Variants in DNA2 observed in about 807,000 individuals in gnomAD.
DNA2 encodes DNA replication helicase/nuclease 2, also known as DNA replication ATP-dependent helicase/nuclease DNA2.
A neutral mutation model predicts 119.1 loss-of-function variants in DNA2; 101 were observed. The observed-to-expected ratio is 0.85, with a 90% CI of 0.72 to 1.00. The LOEUF (loss-of-function observed/expected upper bound fraction) is 1.00. Among genes scored for constraint, DNA2 ranks in the 50% least tolerant of loss-of-function variants. The probability of loss-of-function intolerance (pLI) is 0.00; values close to 1 mark genes in which losing one functional copy is unlikely to be tolerated. For missense variants in DNA2, 1,121 were observed against 1,255.5 expected (o/e 0.89, Z 1.62); for synonymous variants, 366 against 424.4 (o/e 0.86, Z 1.69).
chr10:68,422,208 GA>G lies in DNA2; in HGVS notation c.2697+16del. 1 of 1,507,318 alleles carries G rather than the reference GA, an allele frequency of 6.6e-7. No individual in the cohort carries two copies. The highest frequency in any genetic ancestry group is 1.5e-5 in the African/African-American group (1 of 67,094). 93.4% of individuals were successfully genotyped at this position (1,507,318 alleles called of 1,614,324 possible). A position where few individuals can be genotyped will look rare whatever the true frequency, so the allele number is the denominator to read the frequency against. ...AGGACAAAATGAGAAAAACTAAACA[GA>G]AATTTTTTTTTTTACCTTGTCTGTA... On this transcript the variant is annotated intron_variant, in intron 17 of 20. Transcript: ENST00000358410.
intron 7 of DNA2, among the ~76,000 whole-genome samples, 168 bp downstream of exon 7, chr10:68,446,128 A>C (rs1049539122): frequency 1.3e-5 from 2 of 151,856 alleles, no homozygotes; most frequent in African/African-American, 4.8e-5. Context: ...TATCTCAAAA[A>C]ACGAAAACAA....
chr10:68,449,646 G>A (rs1186854493), intron 6 of DNA2, among the ~76,000 whole-genome samples: 2 of 152,092 alleles, frequency 1.3e-5, no homozygotes, highest in South Asian at 2.1e-4. Context: ...GCATAAGGCC[G>A]GGCTCAGTGG....
chr10:68,464,630 C>T (rs1490610338), intron 4 of DNA2, among the ~76,000 whole-genome samples: 1 of 151,316 alleles, frequency 6.6e-6, no homozygotes. Flanking sequence ...GTCAGGAGTT[C>T]GAGACCAGCC....
chr10:68,431,934 T>C lies in DNA2; in HGVS notation c.1911A>G (p.Val637=). The C allele has an allele frequency of 6.2e-7, 1 of 1,613,728 alleles. No homozygotes were observed. Among genetic ancestry groups the C allele is most frequent in the Non-Finnish European group, 8.5e-7 (1 of 1,179,752 alleles). The change falls in exon 13 of 21, where the codon GTA becomes GTG. Residue 637 remains valine (V), a synonymous_variant. Coordinates refer to ENST00000358410, the MANE Select transcript of DNA2 (RefSeq NM_001080449.3). ...NKPQRQAMKK[V]LLSKDYTLIV... ...TGAGTGTGTAGTCTTTTGAAAGAAG[T>C]ACCTTTTTCATCGCTTGCCTCTGAG...
chr10:68,459,203 T>C lies in DNA2; in HGVS notation c.620A>G (p.Lys207Arg), dbSNP rs868455545. The C allele has an allele frequency of 6.4e-7, 1 of 1,565,750 alleles. No homozygotes were observed. Among genetic ancestry groups the C allele is most frequent in the South Asian group, 1.2e-5 (1 of 84,766 alleles). ...YRLNLSQDEIKQEVEDYLPSF... is the reference protein window; with the variant it reads ...YRLNLSQDEIRQEVEDYLPSF... ...AGGAAGATAGTCCTCTACTTCTTGT[T>C]TTATTTCATCTTGACTTAGATTTAA... Residue 207 changes from lysine to arginine, a missense_variant, in exon 5 of 21, where the codon AAA becomes AGA. Lys to Arg is a conservative substitution (Grantham distance 26, BLOSUM62 2). Transcript: ENST00000358410.
intron 13 of DNA2, 102 bp from the exon 14 acceptor site, chr10:68,430,762 A>C (rs557448631): frequency 1.1e-6 from 1 of 919,442 alleles, no homozygotes; most frequent in South Asian, 1.9e-5. Flanking sequence ...CTAAGAGCTG[A>C]GCCAAGTAAA....
intron 9 of DNA2, among the ~76,000 whole-genome samples, chr10:68,439,982 C>G (rs1375295003): frequency 3.3e-5 from 5 of 149,688 alleles, no homozygotes; most frequent in African/African-American, 4.9e-5. Flanking sequence ...CCAGCCTGGG[C>G]GACTGAGCAA....
At chr10:68,470,241 A>C in intron 1 of DNA2, 78 bp from the exon 2 acceptor site, 2 of 1,255,602 alleles carry the variant, frequency 1.6e-6, no homozygotes, top group Non-Finnish European at 2.1e-6. Flanking sequence ...TCTACAAACC[A>C]ATCTTCCAGT....
In DNA2 at chr10:68,419,887, T is replaced by C; in HGVS notation, c.2703A>G (p.Pro901=). The C allele has an allele frequency of 1.2e-6, 2 of 1,613,650 alleles. No homozygotes were observed. The highest frequency in any genetic ancestry group is 1.7e-6 in the Non-Finnish European group (2 of 1,179,624). ...CACCTTTTTCAACTTGTTCTGGCGC[T>C]GGAACCTAAGTGGAAAAATATACAG... ...PVCFLNTDKV[P]APEQVEKGGV... Residue 901 remains proline, a synonymous_variant, in exon 18 of 21, where the codon CCA becomes CCG. Transcript: ENST00000358410.
chr10:68,452,747 T>C (rs1315645392), intron 5 of DNA2, among the ~76,000 whole-genome samples: 1 of 138,702 alleles, frequency 7.2e-6, no homozygotes, highest in Admixed American at 7.0e-5. Flanking sequence ...ATTTTTTTTT[T>C]TTTTTTTTTT....
chr10:68,433,055 G>A (rs1209314205), intron 10 of DNA2, among the ~76,000 whole-genome samples: 1 of 152,046 alleles, frequency 6.6e-6, no homozygotes, highest in Non-Finnish European at 1.5e-5. Context: ...CCCAAGCTTT[G>A]GGTTTGGATA....
intron 10 of DNA2, among the ~76,000 whole-genome samples, chr10:68,435,328 C>T (rs1210463702): frequency 6.6e-6 from 1 of 152,024 alleles, no homozygotes; most frequent in African/African-American, 2.4e-5. Context: ...GGATTACAGG[C>T]GTGCACCACC....
At chr10:68,439,362 C>A (rs1446869159) in intron 9 of DNA2, among the ~76,000 whole-genome samples, 2 of 151,738 alleles carry the variant, frequency 1.3e-5, no homozygotes, top group African/African-American at 4.8e-5. Context: ...AGATTACTCC[C>A]CAGCCTGGGG....
intron 14 of DNA2, chr10:68,424,682 G>A: frequency 1.2e-6 from 2 of 1,606,742 alleles, no homozygotes; most frequent in Admixed American, 1.7e-5. Flanking sequence ...TGCGGCAGAA[G>A]TACAATGTCC....
intron 13 of DNA2, among the ~76,000 whole-genome samples, chr10:68,431,344 G>A (rs914354051): frequency 4.0e-5 from 6 of 151,206 alleles, no homozygotes; most frequent in East Asian, 3.9e-4. Flanking sequence ...ATGCAATGGC[G>A]TGATCTCAGC....
At chr10:68,428,844 A>G (rs1053553924) in intron 14 of DNA2, among the ~76,000 whole-genome samples, 2 of 152,260 alleles carry the variant, frequency 1.3e-5, no homozygotes, top group Admixed American at 6.5e-5. Flanking sequence ...TACAACTATA[A>G]AAGTGCAACA....
In DNA2 at chr10:68,430,608, T is replaced by C; in HGVS notation, c.2036A>G (p.His679Arg). Reference protein sequence around the residue: ...GFSVLLTSYTHSAVDNILLKL... With the variant: ...GFSVLLTSYTRSAVDNILLKL... The stretch of plus-strand genomic sequence containing the variant: ...CAAAAGAATATTGTCAACAGCAGAG[T>C]GTGTATAGCTGGTCAACAAAACGCT... Residue 679 changes from histidine (H) to arginine (R), a missense_variant, in exon 14 of 21, where the codon CAC (histidine) becomes CGC (arginine). His to Arg is a conservative substitution (Grantham distance 29). Transcript: ENST00000358410. The C allele has an allele frequency of 6.2e-7, 1 of 1,606,690 alleles. No individual in the cohort carries two copies. Among genetic ancestry groups the C allele is most frequent in the Non-Finnish European group, 8.5e-7 (1 of 1,176,438 alleles).
chr10:68,460,030 T>TACAC (rs150226727), intron 4 of DNA2, among the ~76,000 whole-genome samples: 13,819 of 145,582 alleles, frequency 0.095, 822 homozygotes, highest in South Asian at 0.24. Flanking sequence ...CCATCACAAA[T>TACAC]ACACACACAC....
upstream of DNA2, chr10:68,472,098 G>A: frequency 6.5e-7 from 1 of 1,539,812 alleles, no homozygotes; most frequent in South Asian, 1.2e-5. Flanking sequence ...CCTTGCTTAG[G>A]ACTGGGAATA....
Sources: gnomAD v4.1 joint callset for allele counts (sites outside exome capture counted in the v4.1 genomes callset) on GRCh38, gnomAD v4.1.1 for gene constraint, MANE v1.5 for transcripts, NCBI Gene and HGNC (gene_info 2026-07-23, HGNC 2026-07-21) for gene names.